ARHGEF3: variants seen among roughly 807,000 people sequenced by gnomAD.
The protein encoded by ARHGEF3 is Rho guanine nucleotide exchange factor 3, also known as 59.8 kDA protein.
In ARHGEF3, 28 loss-of-function variants were observed where a neutral mutation model predicts 63.2. That is an observed-to-expected ratio of 0.44 (90% CI 0.33 to 0.61). The LOEUF is 0.61. Among genes scored for constraint, ARHGEF3 ranks in the 20% least tolerant of loss-of-function variants. ARHGEF3 has a pLI of 0.03. For synonymous variants in ARHGEF3, 266 were observed against 254.2 expected, an observed-to-expected ratio of 1.05 and a Z score of -0.44; for missense variants, 533 against 659.3, an observed-to-expected ratio of 0.81 and a Z score of 2.10.
rs111717666 is a variant in ARHGEF3 at position 57,037,870 on chromosome 3, G to A, written c.-27-2694C>T. Among the ~76,000 whole-genome samples the A allele has an allele frequency of 8.1e-3, 958 of 118,472 alleles. 14 individuals are homozygous for A. The highest frequency in any genetic ancestry group is 0.026 in the African/African-American group (900 of 34,926). 77.7% of individuals were successfully genotyped at this position (118,472 alleles called of 152,430 possible). On this transcript the variant is annotated intron_variant, in intron 1 of 12. Coordinates refer to the ARHGEF3 transcript ENST00000338458. ...AGCCTGGGCGACAGAGCAAGACTCCGTCTCAAAAAACAAAACAAAACAAAA... is the reference window on the plus strand; with the variant it reads ...AGCCTGGGCGACAGAGCAAGACTCCATCTCAAAAAACAAAACAAAACAAAA...
At chr3:56,873,101 T>A (rs1045275469) in intron 4 of ARHGEF3, among the ~76,000 whole-genome samples, 1 of 151,836 alleles carries the variant, frequency 6.6e-6, no homozygotes, top group African/African-American at 2.4e-5. Flanking sequence ...TGGGCTCAGG[T>A]GATCCTCCCA....
intron 2 of ARHGEF3, among the ~76,000 whole-genome samples, chr3:57,002,424 CTATATA>C (rs55778548): frequency 1.6e-5 from 1 of 62,774 alleles, no homozygotes; most frequent in Non-Finnish European, 3.5e-5. Context: ...GTTCTAAGCA[CTATATA>C]TATATATATA....
At chr3:56,764,916 C>A (rs2035620352) in intron 2 of ARHGEF3, among the ~76,000 whole-genome samples, 3 of 152,012 alleles carry the variant, frequency 2.0e-5, no homozygotes, top group Admixed American at 2.0e-4. Context: ...GCCACCAAGC[C>A]TAGCTGATAT....
chr3:56,803,282 A>T (rs1008053366), upstream of ARHGEF3, among the ~76,000 whole-genome samples: 6 of 152,154 alleles, frequency 3.9e-5, no homozygotes, highest in African/African-American at 1.4e-4. Flanking sequence ...CAAAAAAAAT[A>T]CAAAAAATTA....
At chr3:56,934,849 G>A (rs916314179) in intron 3 of ARHGEF3, among the ~76,000 whole-genome samples, 16 of 152,248 alleles carry the variant, frequency 1.1e-4, no homozygotes, top group Admixed American at 6.5e-4. Context: ...TGAGGAGCGC[G>A]AGCACACGGC....
At chr3:56,863,938 C>T (rs192202313) in intron 4 of ARHGEF3, among the ~76,000 whole-genome samples, 36 of 152,252 alleles carry the variant, frequency 2.4e-4, no homozygotes, top group East Asian at 9.6e-4. Flanking sequence ...CATCTTCTAA[C>T]GCATGCCAAG....
chr3:56,800,820 C>A (rs1025072100), intron 1 of ARHGEF3, among the ~76,000 whole-genome samples: 8 of 152,156 alleles, frequency 5.3e-5, no homozygotes, highest in African/African-American at 1.7e-4. Context: ...TGGGTTCCAC[C>A]GCAGCTTGAC....
At chr3:56,826,440 C>T (rs576972822) in intron 4 of ARHGEF3, among the ~76,000 whole-genome samples, 1 of 152,146 alleles carries the variant, frequency 6.6e-6, no homozygotes, top group Non-Finnish European at 1.5e-5. Flanking sequence ...GTCTTGCTTC[C>T]CTCAACAAGA....
At chr3:56,892,138 A>G (rs4681928) in intron 3 of ARHGEF3, among the ~76,000 whole-genome samples, 46,490 of 152,016 alleles carry the variant, frequency 0.31, 8,115 homozygotes, top group East Asian at 0.72. Flanking sequence ...TTCAACAAAC[A>G]TTTACAAACT....
intron 4 of ARHGEF3, among the ~76,000 whole-genome samples, chr3:56,868,120 T>C (rs1242859027): frequency 6.6e-6 from 1 of 152,114 alleles, no homozygotes; most frequent in Non-Finnish European, 1.5e-5. Context: ...CCACTCTACA[T>C]GAACAAAATG....
chr3:56,926,582 G>A (rs571890938), intron 3 of ARHGEF3, among the ~76,000 whole-genome samples: 14 of 152,330 alleles, frequency 9.2e-5, no homozygotes, highest in African/African-American at 3.4e-4. Flanking sequence ...GGCTGAGTAA[G>A]AAGTGAAATA....
chr3:56,873,425 C>T (rs1011437564), intron 4 of ARHGEF3, among the ~76,000 whole-genome samples: 2 of 152,004 alleles, frequency 1.3e-5, no homozygotes, highest in African/African-American at 4.8e-5. Context: ...TGTGTTGTTC[C>T]CCTCTATGTG....
chr3:56,747,737 T>A (rs917593885), intron 6 of ARHGEF3, among the ~76,000 whole-genome samples: 1 of 152,124 alleles, frequency 6.6e-6, no homozygotes, highest in Non-Finnish European at 1.5e-5. Context: ...GTCACAAGAA[T>A]CGCTTGAACC....
chr3:57,047,727 T>C (rs991123737), intron 1 of ARHGEF3, among the ~76,000 whole-genome samples: 2 of 152,134 alleles, frequency 1.3e-5, no homozygotes, highest in Non-Finnish European at 2.9e-5. Context: ...AGAGTCAGCG[T>C]TGTATTCAAT....
At chr3:56,733,317 C>T (rs778782655) in intron 8 of ARHGEF3, among the ~76,000 whole-genome samples, 1 of 24,874 alleles carries the variant, frequency 4.0e-5, no homozygotes, top group African/African-American at 2.3e-4. Flanking sequence ...ACTAGCCAGG[C>T]GAGGTGGGCG....
Position 57,010,479 on chromosome 3 carries a change from C to T in ARHGEF3, c.62+24609G>A, listed in dbSNP as rs565306135. Among the ~76,000 whole-genome samples, 831 of 149,372 alleles carry T rather than the reference C, an allele frequency of 5.6e-3. 16 individuals carry two copies. The highest frequency in any genetic ancestry group is 0.02 in the African/African-American group (797 of 40,568). On this transcript the variant is annotated intron_variant, in intron 2 of 12. Coordinates refer to the ARHGEF3 transcript ENST00000338458. Reference sequence around the variant, plus strand: ...TCAAAAAAAAAAAAAAAAAAACCCACAGTGGAATTTATTTACATGTGCACT... The same window carrying T: ...TCAAAAAAAAAAAAAAAAAAACCCATAGTGGAATTTATTTACATGTGCACT...
At chr3:57,018,836 C>T (rs533681733) in intron 2 of ARHGEF3, among the ~76,000 whole-genome samples, 1 of 152,270 alleles carries the variant, frequency 6.6e-6, no homozygotes, top group African/African-American at 2.4e-5. Flanking sequence ...ATTCCTTTTA[C>T]AGATGAAGAC....
chr3:56,729,334 C>T lies in ARHGEF3; in HGVS notation c.1517G>A (p.Cys506Tyr), dbSNP rs754753000. The change falls in exon 10 of 10, where the codon TGT becomes TAT. Residue 506 changes from cysteine to tyrosine, a missense_variant. Cys to Tyr is a radical substitution (Grantham distance 194). Transcript: ENST00000296315. ...SMDTSEVSLD[C>Y]ERMEQTDSSC... is the part of the protein sequence containing the mutation. ...AGAGTCTGTCTGTTCCATGCGCTCA[C>T]AGTCGAGGCTGACCTCACTCGTGTC... 2 of 1,614,138 alleles carry T rather than the reference C, an allele frequency of 1.2e-6. No homozygotes were observed. Among genetic ancestry groups the T allele is most frequent in the Non-Finnish European group, 1.7e-6 (2 of 1,180,026 alleles).
chr3:57,020,473 C>A (rs1449678138), intron 2 of ARHGEF3, among the ~76,000 whole-genome samples: 2 of 152,202 alleles, frequency 1.3e-5, no homozygotes, highest in African/African-American at 4.8e-5. Context: ...TCCATGGGTT[C>A]AGATGAGGCT....
Sources: allele counts gnomAD v4.1 joint callset (sites outside exome capture counted in the v4.1 genomes callset), GRCh38; gene constraint gnomAD v4.1.1; transcripts MANE v1.5; gene names NCBI Gene and HGNC (gene_info 2026-07-23, HGNC 2026-07-21).